ITGB2: variants seen among roughly 807,000 people sequenced by gnomAD.
ITGB2 encodes the protein integrin subunit beta 2, also known as integrin beta-2.
In ITGB2, 56 loss-of-function variants were observed where a neutral mutation model predicts 86.8. That is an observed-to-expected ratio of 0.65 (90% CI 0.52 to 0.81). ITGB2 has a LOEUF of 0.81. ITGB2 is among the 30% of genes least tolerant of loss of function. The pLI is 0.00. For synonymous variants in ITGB2, 457 were observed against 450.4 expected (o/e 1.01, Z -0.19); for missense variants, 948 against 1,061.2 (o/e 0.89, Z 1.48).
Position 44,889,375 on chromosome 21 carries a change from C to T in ITGB2, c.1778G>A (p.Arg593His), listed in dbSNP as rs749255547. The change falls in exon 13 of 16, where the codon CGT becomes CAT. Residue 593 changes from arginine (R) to histidine (H), a missense_variant. Physicochemically the swap from Arg to His is conservative, Grantham distance 29. Transcript: ENST00000652462. ...LNPRRVECSG[R>H]GRCRCNVCEC... ...GCATACGTTGCAGCGGCACCGGCCACGACCACTACACTCAACACGCCGCGG... is the reference window on the plus strand; with the variant it reads ...GCATACGTTGCAGCGGCACCGGCCATGACCACTACACTCAACACGCCGCGG... The T allele has an allele frequency of 1.2e-5, 20 of 1,612,784 alleles. No individual in the cohort carries two copies. The highest frequency in any genetic ancestry group is 1.6e-5 in the Non-Finnish European group (19 of 1,179,896).
At chr21:44,900,496 G>A (rs376585114) in intron 6 of ITGB2, 21 bp from the exon 7 acceptor site, 25 of 1,612,812 alleles carry the variant, frequency 1.6e-5, no homozygotes, top group Non-Finnish European at 2.0e-5. Context: ...GGCGTGGGGG[G>A]CAGGGTTACC....
upstream of ITGB2, among the ~76,000 whole-genome samples, chr21:44,925,754 C>G (rs572177745): frequency 6.6e-6 from 1 of 152,242 alleles, no homozygotes; most frequent in African/African-American, 2.4e-5. Flanking sequence ...GAGATAATCC[C>G]AATGCTGAAA....
intron 4 of ITGB2, among the ~76,000 whole-genome samples, chr21:44,905,303 G>A (rs758830705): frequency 7.2e-5 from 11 of 152,090 alleles, no homozygotes; most frequent in African/African-American, 2.7e-4. Flanking sequence ...GTGCTCACCC[G>A]AGTTTGCCTA....
At chr21:44,893,313 T>G (rs1379228085) in intron 10 of ITGB2, 91 bp downstream of exon 10, 1 of 1,512,764 alleles carries the variant, frequency 6.6e-7, no homozygotes, top group African/African-American at 1.4e-5. Context: ...CCAGGACCCC[T>G]CAGTGTGCTG....
intron 8 of ITGB2, among the ~76,000 whole-genome samples, chr21:44,897,232 G>C (rs772808070): frequency 4.6e-5 from 7 of 152,250 alleles, no homozygotes; most frequent in Non-Finnish European, 8.8e-5. Flanking sequence ...TTGTAGCTGG[G>C]ATACGGGCCT....
chr21:44,891,793 C>T lies in ITGB2; in HGVS notation c.1412+16G>A. On this transcript the variant is annotated intron_variant, in intron 11 of 15. Coordinates refer to ENST00000652462, the MANE Select transcript of ITGB2 (RefSeq NM_000211.5). Reference sequence around the variant, plus strand: ...GGGCTCGGGGATGGTTCAACAGGGACCTGCGCCCGCCTCACCTGCAGATGC... The same window carrying T: ...GGGCTCGGGGATGGTTCAACAGGGATCTGCGCCCGCCTCACCTGCAGATGC... 3 of 1,600,816 alleles carry T rather than the reference C, an allele frequency of 1.9e-6. No individual in the cohort carries two copies. In the South Asian group the frequency reaches 3.3e-5, roughly 18 times the overall value.
At position 44,903,374 on chromosome 21, in the gene ITGB2, CG is replaced by C; in HGVS notation, c.489del (p.Gly164AlafsTer17). ...LLRALNEITE[S>X]GRIGFGSFVD... ...AGTGCCTGGGCCTCACCAATGCGGCCGGACTCGGTGATCTCGTTGAGGGCCC... is the reference window on the plus strand; with the variant it reads ...AGTGCCTGGGCCTCACCAATGCGGCCGACTCGGTGATCTCGTTGAGGGCCC... On this transcript the variant is annotated frameshift_variant, in exon 5 of 16. Transcript: ENST00000652462. LOFTEE classifies it high-confidence loss of function. The C allele has an allele frequency of 6.2e-7, 1 of 1,614,048 alleles. No homozygotes were observed. The highest frequency in any genetic ancestry group is 8.5e-7 in the Non-Finnish European group (1 of 1,179,962).
At chr21:44,898,262 C>A (rs1015346035) in intron 8 of ITGB2, among the ~76,000 whole-genome samples, 2 of 152,204 alleles carry the variant, frequency 1.3e-5, no homozygotes, top group South Asian at 4.1e-4. Context: ...TGAGGCCACA[C>A]ATCATCGCTG....
intron 10 of ITGB2, among the ~76,000 whole-genome samples, chr21:44,892,374 CT>C (rs3838127): frequency 0.2 from 31,183 of 152,170 alleles, 3,331 homozygotes; most frequent in East Asian, 0.26. Flanking sequence ...AATCCCAGCA[CT>C]GTGGGAGGCC....
At chr21:44,898,816 C>T (rs918551705) in intron 8 of ITGB2, among the ~76,000 whole-genome samples, 2 of 152,228 alleles carry the variant, frequency 1.3e-5, no homozygotes, top group African/African-American at 4.8e-5. Context: ...ATCACCAATG[C>T]CAAGACATGC....
intron 3 of ITGB2, chr21:44,908,144 C>T (rs756380241): frequency 1.3e-5 from 10 of 741,828 alleles, no homozygotes; most frequent in Middle Eastern, 2.3e-4. Flanking sequence ...GGGGACTGCT[C>T]GCCGCGGTGG....
upstream of ITGB2, among the ~76,000 whole-genome samples, chr21:44,924,008 C>T: frequency 6.6e-6 from 1 of 152,176 alleles, no homozygotes; most frequent in East Asian, 1.9e-4. Flanking sequence ...TCAGAATCCA[C>T]AGACAGTTCA....
At chr21:44,898,182 C>T (rs368236852) in intron 8 of ITGB2, among the ~76,000 whole-genome samples, 66 of 152,250 alleles carry the variant, frequency 4.3e-4, no homozygotes, top group South Asian at 1.5e-3. Flanking sequence ...GGGTGTCAGC[C>T]GCGCCGCTGT....
At chr21:44,916,444 C>T (rs767977690) in intron 1 of ITGB2, among the ~76,000 whole-genome samples, 5 of 152,078 alleles carry the variant, frequency 3.3e-5, no homozygotes, top group South Asian at 2.1e-4. Context: ...GACGTGAGGC[C>T]GAGGCCCCGG....
At chr21:44,918,561 C>T (rs1337102927) in intron 1 of ITGB2, among the ~76,000 whole-genome samples, 2 of 152,228 alleles carry the variant, frequency 1.3e-5, no homozygotes, top group Non-Finnish European at 2.9e-5. Context: ...ATAGCCTGCT[C>T]ACCCCATGCC....
upstream of ITGB2, among the ~76,000 whole-genome samples, chr21:44,925,386 A>G (rs1226982418): frequency 2.1e-5 from 3 of 142,468 alleles, no homozygotes; most frequent in East Asian, 4.6e-4. Flanking sequence ...AGATCCTGTC[A>G]GAAAGAAAGA....
intron 14 of ITGB2, 34 bp from the exon 15 acceptor site, chr21:44,886,936 C>A (rs769822303): frequency 3.6e-5 from 58 of 1,608,684 alleles, no homozygotes; most frequent in Non-Finnish European, 4.9e-5. Context: ...AGCGTCAGTC[C>A]AGCCCCATCT....
At chr21:44,918,159 G>GTACC (rs1342581469) in intron 1 of ITGB2, among the ~76,000 whole-genome samples, 3 of 152,246 alleles carry the variant, frequency 2.0e-5, no homozygotes, top group Non-Finnish European at 4.4e-5. Context: ...GACCTGGCCT[G>GTACC]TACCTGCTGG....
chr21:44,912,645 G>A (rs1277014889), intron 1 of ITGB2, among the ~76,000 whole-genome samples: 2 of 152,158 alleles, frequency 1.3e-5, no homozygotes, highest in East Asian at 3.8e-4. Flanking sequence ...CTGATCGTTG[G>A]GGGTTGTGGT....
Sources: gnomAD v4.1 joint callset for allele counts (sites outside exome capture counted in the v4.1 genomes callset) on GRCh38, gnomAD v4.1.1 for gene constraint, MANE v1.5 for transcripts, NCBI Gene and HGNC (gene_info 2026-07-23, HGNC 2026-07-21) for gene names.